Variants in LRP1B observed in about 807,000 individuals in gnomAD.
LRP1B encodes the protein LDL receptor related protein 1B.
In LRP1B, 217 loss-of-function variants were observed where a neutral mutation model predicts 556.6. That is an observed-to-expected ratio of 0.39 (90% CI 0.35 to 0.44). The LOEUF (loss-of-function observed/expected upper bound fraction) is 0.44, where lower values mean the gene tolerates loss of function less well. Ranked by LOEUF, LRP1B falls within the 20% of genes least tolerant of loss-of-function variation. The pLI is 1.00. For missense variants in LRP1B, 5,053 were observed against 5,620.8 expected, an observed-to-expected ratio of 0.90 and a Z score of 3.23; for synonymous variants, 2,047 against 1,865.8, an observed-to-expected ratio of 1.10 and a Z score of -2.50.
rs577499252 is a variant in LRP1B, at chr2:141,625,058, G to A, written c.206-144525C>T. 5.7e-4 allele frequency among the ~76,000 whole-genome samples: 87 copies of A among 152,116 alleles called. No homozygotes were observed. The South Asian group carries it at 0.01, about 18-fold the overall frequency. On this transcript the variant is annotated intron_variant, in intron 2 of 90. Transcript: ENST00000389484. ...GCTGGGATTACAGGCGTGAGCCACC[G>A]CACCTGGCAGGGTTGAAATTTAAAA... is the stretch of plus-strand genomic sequence containing the variant.
At chr2:140,794,279 C>G (rs567660302) in intron 32 of LRP1B, among the ~76,000 whole-genome samples, 1 of 151,992 alleles carries the variant, frequency 6.6e-6, no homozygotes, top group Non-Finnish European at 1.5e-5. Flanking sequence ...AATGTGAATA[C>G]ATAGGTAATT....
At chr2:140,649,903 C>T (rs1217617633) in intron 41 of LRP1B, among the ~76,000 whole-genome samples, 3 of 152,186 alleles carry the variant, frequency 2.0e-5, no homozygotes, top group African/African-American at 7.2e-5. Flanking sequence ...TGTATCCATA[C>T]TATATTTTTG....
chr2:141,112,095 A>AAATT (rs1553461507), intron 7 of LRP1B, among the ~76,000 whole-genome samples: 4 of 151,546 alleles, frequency 2.6e-5, no homozygotes, highest in Admixed American at 1.3e-4. Context: ...ATAAATAAAT[A>AAATT]AATTCTACTC....
At chr2:141,002,840 A>G (rs1390856700) in intron 15 of LRP1B, among the ~76,000 whole-genome samples, 4 of 152,026 alleles carry the variant, frequency 2.6e-5, no homozygotes, top group Non-Finnish European at 5.9e-5. Context: ...TAAAATTAAC[A>G]AACTAAATAT....
intron 2 of LRP1B, among the ~76,000 whole-genome samples, chr2:141,630,054 C>T (rs116248795): frequency 1.3e-5 from 2 of 152,136 alleles, no homozygotes; most frequent in African/African-American, 2.4e-5. Flanking sequence ...TCCCTCACCC[C>T]CTATAGCTAA....
At chr2:140,625,913 A>T (rs538079162) in intron 41 of LRP1B, among the ~76,000 whole-genome samples, 108 of 152,306 alleles carry the variant, frequency 7.1e-4, no homozygotes, top group African/African-American at 2.4e-3. Flanking sequence ...CCAAACAAAA[A>T]TCTGTACATG....
At chr2:140,941,709 G>A (rs1378648604) in intron 20 of LRP1B, among the ~76,000 whole-genome samples, 1 of 152,046 alleles carries the variant, frequency 6.6e-6, no homozygotes, top group Admixed American at 6.6e-5. Flanking sequence ...GAAAGCACCT[G>A]CAAATGAAGC....
At chr2:141,850,981 T>C (rs1697833259) in intron 1 of LRP1B, among the ~76,000 whole-genome samples, 1 of 151,668 alleles carries the variant, frequency 6.6e-6, no homozygotes. Context: ...CTGACAGCCT[T>C]CCCATAAAAT....
chr2:141,059,667 T>A (rs557287059), intron 8 of LRP1B, among the ~76,000 whole-genome samples: 1 of 151,916 alleles, frequency 6.6e-6, no homozygotes, highest in East Asian at 1.9e-4. Context: ...AGCCAATTTA[T>A]CATAGGAAAT....
intron 31 of LRP1B, among the ~76,000 whole-genome samples, chr2:140,827,194 C>A (rs1691538951): frequency 6.6e-6 from 1 of 152,072 alleles, no homozygotes. Flanking sequence ...TAAAGGCCTT[C>A]AATGAAAAGC....
rs1212761201 is a variant in LRP1B at position 140,817,630 on chromosome 2, C to T, written c.5210-3824G>A. 3.3e-5 allele frequency among the ~76,000 whole-genome samples: 5 copies of T among 151,838 alleles called. No homozygotes were observed. The East Asian group carries it at 9.6e-4, about 29-fold the overall frequency. The stretch of plus-strand genomic sequence containing the variant: ...TTTTTAAAATAATGTAATTTACCTA[C>T]ATACAGTATTTCATATATTACTGAA... On this transcript the variant is annotated intron_variant, in intron 31 of 90. Transcript: ENST00000389484.
At chr2:141,190,021 T>C (rs895280099) in intron 6 of LRP1B, among the ~76,000 whole-genome samples, 6 of 151,928 alleles carry the variant, frequency 3.9e-5, no homozygotes, top group African/African-American at 1.4e-4. Context: ...ACCAGAAAGA[T>C]TAAGTCAGAA....
chr2:140,481,643 A>G (rs1173462272), intron 59 of LRP1B, among the ~76,000 whole-genome samples: 1 of 150,042 alleles, frequency 6.7e-6, no homozygotes, highest in African/African-American at 2.4e-5. Flanking sequence ...CAATCCCAAT[A>G]GATCTACAAA....
intron 67 of LRP1B, among the ~76,000 whole-genome samples, chr2:140,378,650 A>C (rs1683341279): frequency 6.6e-6 from 1 of 152,298 alleles, no homozygotes; most frequent in East Asian, 1.9e-4. Flanking sequence ...ACTTTAAGTA[A>C]GTATGACATT....
At chr2:141,968,090 C>A (rs1053191657) in intron 1 of LRP1B, among the ~76,000 whole-genome samples, 3 of 151,828 alleles carry the variant, frequency 2.0e-5, no homozygotes, top group African/African-American at 7.2e-5. Context: ...GGCTTGCACC[C>A]TGTAATCAGA....
rs2105053177 is a variant in LRP1B, at chr2:140,321,975, C to T, written c.12628G>A (p.Asp4210Asn). ...AAAGTATACCCACCTAACAGGCTGT[C>T]ATCATTGCAGGTGCCATTAATCAAA... ...KYLINGTCND[D>N]SLLDDSCKLT... is the part of the protein sequence containing the mutation. Residue 4210 changes from aspartate to asparagine, a missense_variant, in exon 82 of 91, where the codon GAC becomes AAC. Asp to Asn is a conservative substitution (Grantham distance 23, BLOSUM62 1). Around this residue, in one of 5 missense-constraint regions of LRP1B, gnomAD observed 551 missense variants for 592.0 expected, o/e 0.93. Coordinates refer to ENST00000389484, the MANE Select transcript of LRP1B (RefSeq NM_018557.3). 6.2e-7 allele frequency: 1 copy of T among 1,612,796 alleles called. No homozygotes were observed.
intron 4 of LRP1B, among the ~76,000 whole-genome samples, chr2:141,251,672 A>G (rs1004943405): frequency 2.6e-5 from 4 of 152,144 alleles, no homozygotes; most frequent in African/African-American, 9.7e-5. Context: ...AAAAAAGACT[A>G]GAAGAAGTAA....
chr2:140,318,892 T>C (rs1684649603), intron 82 of LRP1B, among the ~76,000 whole-genome samples: 1 of 152,148 alleles, frequency 6.6e-6, no homozygotes, highest in African/African-American at 2.4e-5. Flanking sequence ...AGAATTTGCT[T>C]TCCTCATAGG....
At chr2:140,555,721 A>C (rs955963496) in intron 43 of LRP1B, among the ~76,000 whole-genome samples, 16 of 152,074 alleles carry the variant, frequency 1.1e-4, no homozygotes, top group Admixed American at 3.9e-4. Context: ...ATGGATTTTC[A>C]TTTGTAAATT....
Sources: gnomAD v4.1 joint callset for allele counts (sites outside exome capture counted in the v4.1 genomes callset) on GRCh38, gnomAD v4.1.1 for gene constraint, gnomAD v4.1.1 regional missense constraint, MANE v1.5 for transcripts, NCBI Gene and HGNC (gene_info 2026-07-23, HGNC 2026-07-21) for gene names.